Variants in SRGAP3 observed in about 807,000 individuals in gnomAD.
SRGAP3 encodes SLIT-ROBO Rho GTPase activating protein 3.
SRGAP3 carries 39 observed loss-of-function variants against 121.1 expected under a neutral mutation model. The ratio of observed to expected loss-of-function variants is 0.32; its 90% CI spans 0.25 to 0.42. The LOEUF (loss-of-function observed/expected upper bound fraction) is 0.42. Ranked by LOEUF, SRGAP3 falls within the 10% of genes least tolerant of loss-of-function variation. SRGAP3 has a pLI of 1.00. For synonymous variants in SRGAP3, 601 were observed against 570.0 expected (o/e 1.05, Z -0.77); for missense variants, 1,213 against 1,470.6 (o/e 0.82, Z 2.86).
rs1953937596 is a variant in SRGAP3, at chr3:9,249,350, T to C, written c.-399A>G. 1 of 419,056 alleles carries C rather than the reference T, an allele frequency of 2.4e-6. No individual in the cohort carries two copies. The highest frequency in any genetic ancestry group is 3.8e-5 in the Admixed American group (1 of 26,074). 26.0% of individuals were successfully genotyped at this position (419,056 alleles called of 1,614,324 possible). On this transcript the variant is annotated 5_prime_UTR_variant, in exon 1 of 22. Transcript: ENST00000383836. ...ACACTCACCGGGACACGCACACAGT[T>C]GTGCTGTGCACACAGGCATACACAC... is the stretch of plus-strand genomic sequence containing the variant.
chr3:9,298,182 A>G (rs1164511479), intron 3 of SRGAP3, among the ~76,000 whole-genome samples: 1 of 152,234 alleles, frequency 6.6e-6, no homozygotes, highest in African/African-American at 2.4e-5. Flanking sequence ...ATAGGAATAT[A>G]TATATCTCGT....
chr3:9,324,829 C>G (rs562249990), intron 3 of SRGAP3, among the ~76,000 whole-genome samples: 1 of 151,768 alleles, frequency 6.6e-6, no homozygotes, highest in South Asian at 2.1e-4. Flanking sequence ...AGGTGGCAGG[C>G]ACCTGTAGTC....
intron 10 of SRGAP3, among the ~76,000 whole-genome samples, chr3:9,046,661 A>G (rs754611552): frequency 1.3e-5 from 2 of 152,152 alleles, no homozygotes; most frequent in Non-Finnish European, 2.9e-5. Flanking sequence ...AACCCTAGCC[A>G]GACACTCCAG....
At chr3:9,067,290 T>G (rs1249345001) in intron 4 of SRGAP3, among the ~76,000 whole-genome samples, 1 of 152,056 alleles carries the variant, frequency 6.6e-6, no homozygotes, top group Non-Finnish European at 1.5e-5. Flanking sequence ...TCTCCCTTCT[T>G]CCTTCATCCT....
chr3:9,158,168 C>T (rs1403280855), intron 1 of SRGAP3, among the ~76,000 whole-genome samples: 1 of 152,188 alleles, frequency 6.6e-6, no homozygotes, highest in African/African-American at 2.4e-5. Flanking sequence ...GACCATGTGA[C>T]CAAATCAGGG....
At chr3:9,235,610 T>G (rs1358484026) in intron 1 of SRGAP3, 1 of 151,204 alleles carries the variant, frequency 6.6e-6, no homozygotes, top group Non-Finnish European at 1.5e-5. Flanking sequence ...TTCACGCCAT[T>G]CTCCTGCCTC....
chr3:9,233,723 A>G (rs1953307972), intron 1 of SRGAP3, among the ~76,000 whole-genome samples: 1 of 152,220 alleles, frequency 6.6e-6, no homozygotes. Flanking sequence ...AATCACCCAC[A>G]GCATTTTCAG....
chr3:9,031,702 C>A (rs906664), intron 12 of SRGAP3, among the ~76,000 whole-genome samples: 1 of 152,042 alleles, frequency 6.6e-6, no homozygotes, highest in Non-Finnish European at 1.5e-5. Flanking sequence ...CACAAGTAGA[C>A]AGCTGGAGCA....
At chr3:9,360,429 G>A (rs1430301263) in intron 1 of SRGAP3, among the ~76,000 whole-genome samples, 1 of 152,214 alleles carries the variant, frequency 6.6e-6, no homozygotes, top group African/African-American at 2.4e-5. Flanking sequence ...AAGTCAGAAA[G>A]CATCTGTAGT....
At chr3:9,349,339 ATT>A (rs1294543660) in intron 1 of SRGAP3, 1 of 395,356 alleles carries the variant, frequency 2.5e-6, no homozygotes, top group Non-Finnish European at 4.8e-6. Context: ...TCCCATTTTC[ATT>A]TTAGCCATTT....
chr3:9,067,002 C>T (rs1946463927), intron 4 of SRGAP3, among the ~76,000 whole-genome samples: 1 of 152,160 alleles, frequency 6.6e-6, no homozygotes, highest in Non-Finnish European at 1.5e-5. Flanking sequence ...ACCTCTGCTT[C>T]CTCGTCTGTA....
chr3:9,247,545 C>A (rs1164309120), intron 1 of SRGAP3, among the ~76,000 whole-genome samples: 1 of 152,186 alleles, frequency 6.6e-6, no homozygotes, highest in African/African-American at 2.4e-5. Context: ...GCGTGTATGG[C>A]AGCTGCGGTG....
Position 8,983,805 on chromosome 3 carries a change from T to C in SRGAP3, c.*1714A>G, listed in dbSNP as rs1024374141. ...TATGGAGCAGAACAGTCAGGCTCAA[T>C]GAGGTGGAGTGACAAACCCTAAGTC... On this transcript the variant is annotated 3_prime_UTR_variant, in exon 22 of 22. Coordinates refer to ENST00000383836, the MANE Select transcript of SRGAP3 (RefSeq NM_014850.4). The C allele has an allele frequency of 1.3e-5, 3 of 230,290 alleles. No homozygotes were observed. Among genetic ancestry groups the C allele is most frequent in the East Asian group, 1.2e-4 (2 of 16,254 alleles). The allele number at this position is 230,290 out of a possible 1,614,324, so 14.3% of individuals were successfully genotyped here.
rs189916287 is a variant in SRGAP3, at chr3:9,003,229, C to T, written c.2227+7079G>A. Among the ~76,000 whole-genome samples the T allele has an allele frequency of 5.3e-3, 800 of 152,254 alleles. 12 individuals are homozygous for T. Among genetic ancestry groups the T allele is most frequent in the Non-Finnish European group, 2.2e-3 (150 of 68,008 alleles). ...GCACGGTGGCTCATGCCTGTAATCT[C>T]AGCACTTTGGGAGGCAGAGCTGGGC... On this transcript the variant is annotated intron_variant, in intron 18 of 21. Transcript: ENST00000383836.
intron 13 of SRGAP3, 48 bp downstream of exon 13, chr3:9,026,887 C>T (rs376734094): frequency 6.4e-7 from 1 of 1,573,926 alleles, no homozygotes; most frequent in Non-Finnish European, 8.7e-7. Context: ...AACAGCCTAG[C>T]ACCTGTTCTG....
rs375311145 is a variant in SRGAP3, at chr3:8,990,824, A to G, written c.2574T>C (p.Ser858=). Residue 858 remains serine (S), a synonymous_variant, in exon 21 of 22, where the codon TCT becomes TCC. Transcript: ENST00000383836. ...GGVMGRVRLR[S]DGAAIPRRRS... ...GGCGTCTGGGGATGGCTGCTCCATC[A>G]GATCGTAACCGCACTCTGCAAAGGA... is the stretch of plus-strand genomic sequence containing the variant. 7 of 1,558,768 alleles carry G rather than the reference A, an allele frequency of 4.5e-6. No individual in the cohort carries two copies. In the African/African-American group the frequency reaches 9.5e-5, roughly 21 times the overall value.
intron 1 of SRGAP3, among the ~76,000 whole-genome samples, chr3:9,137,259 A>G (rs1322640649): frequency 6.6e-6 from 1 of 152,152 alleles, no homozygotes; most frequent in Non-Finnish European, 1.5e-5. Flanking sequence ...TCGCCACCTC[A>G]CGATTATTCA....
rs73811442 is a variant in SRGAP3, at chr3:9,154,598, T to G, written c.68-29681A>C. Among the ~76,000 whole-genome samples, 807 of 152,298 alleles carry G rather than the reference T, an allele frequency of 5.3e-3. 3 individuals carry two copies. Among genetic ancestry groups the G allele is most frequent in the African/African-American group, 0.018 (766 of 41,560 alleles). On this transcript the variant is annotated intron_variant, in intron 1 of 21. Transcript: ENST00000383836. ...ACCAACTCCTCCGTGAAGACTTTCC[T>G]GTTCACGTGATAGAAACCAGAGAGC...
intron 1 of SRGAP3, among the ~76,000 whole-genome samples, chr3:9,189,406 T>C (rs779901319): frequency 6.6e-6 from 1 of 152,224 alleles, no homozygotes; most frequent in Non-Finnish European, 1.5e-5. Context: ...TTATCTATTG[T>C]CATATTTAAT....
Sources: gnomAD v4.1 joint callset for allele counts (sites outside exome capture counted in the v4.1 genomes callset) on GRCh38, gnomAD v4.1.1 for gene constraint, MANE v1.5 for transcripts, NCBI Gene and HGNC (gene_info 2026-07-23, HGNC 2026-07-21) for gene names.